MYO9A: variants seen among roughly 807,000 people sequenced by gnomAD.
MYO9A encodes unconventional myosin-IXa.
A neutral mutation model predicts 293.3 loss-of-function variants in MYO9A; 103 were observed. That is an observed-to-expected ratio of 0.35 (90% CI 0.30 to 0.41). The LOEUF is 0.41. MYO9A is among the 10% of genes least tolerant of loss of function. The probability of loss-of-function intolerance (pLI) is 1.00; values close to 1 mark genes in which losing one functional copy is unlikely to be tolerated. For synonymous variants in MYO9A, 1,001 were observed against 1,035.7 expected (o/e 0.97, Z 0.64); for missense variants, 2,685 against 3,033.0 (o/e 0.89, Z 2.69).
Position 71,899,749 on chromosome 15 carries a change from T to C in MYO9A, c.3408A>G (p.Gln1136=), listed in dbSNP as rs752179468. The change falls in exon 24 of 42, where the codon CAA becomes CAG. Residue 1136 remains glutamine, a synonymous_variant. Transcript: ENST00000356056. ...AAAGGATAATTTTTTTCCTTTGTTC[T>C]TGGTACCTTTTACTTTCCCTGTAGG... ...WKAYRESKRY[Q]EQRKKIILLQ... The C allele has an allele frequency of 1.2e-6, 2 of 1,614,198 alleles. No individual in the cohort carries two copies. Among genetic ancestry groups the C allele is most frequent in the South Asian group, 2.2e-5 (2 of 91,084 alleles).
At chr15:72,061,012 C>T (rs1403817663) in intron 1 of MYO9A, among the ~76,000 whole-genome samples, 1 of 152,174 alleles carries the variant, frequency 6.6e-6, no homozygotes, top group Admixed American at 6.5e-5. Context: ...AAGCACCAAG[C>T]ACAGTCCTGA....
intron 1 of MYO9A, among the ~76,000 whole-genome samples, chr15:72,054,362 C>A (rs1010458378): frequency 6.6e-6 from 1 of 152,076 alleles, no homozygotes; most frequent in Non-Finnish European, 1.5e-5. Flanking sequence ...AGATGTTGAT[C>A]GAATCTGCTA....
rs1416769413 is a variant in MYO9A at position 71,827,411 on chromosome 15, C to T, written c.7184-368G>A. Among the ~76,000 whole-genome samples the T allele has an allele frequency of 3.9e-5, 6 of 152,102 alleles. No individual in the cohort carries two copies. The East Asian group carries it at 1.2e-3, about 29-fold the overall frequency. Reference sequence around the variant, plus strand: ...CCCACCTCACAGTGGGGGCACAATGCCTGCCACCCTCAGAAAATGGGTTAT... The same window carrying T: ...CCCACCTCACAGTGGGGGCACAATGTCTGCCACCCTCAGAAAATGGGTTAT... On this transcript the variant is annotated intron_variant, in intron 41 of 41. Transcript: ENST00000356056.
intron 11 of MYO9A, among the ~76,000 whole-genome samples, chr15:71,990,552 G>A (rs1454701276): frequency 8.6e-5 from 13 of 151,942 alleles, no homozygotes; most frequent in African/African-American, 1.2e-4. Context: ...TCAGGAGATC[G>A]AGACCATCCT....
At chr15:71,912,674 TTC>T (rs2057894915) in intron 19 of MYO9A, among the ~76,000 whole-genome samples, 1 of 152,232 alleles carries the variant, frequency 6.6e-6, no homozygotes, top group Non-Finnish European at 1.5e-5. Flanking sequence ...TGTTTAAAAT[TTC>T]TGATATTATA....
chr15:71,882,309 A>G (rs2056897726), intron 28 of MYO9A, among the ~76,000 whole-genome samples: 1 of 151,978 alleles, frequency 6.6e-6, no homozygotes, highest in Non-Finnish European at 1.5e-5. Flanking sequence ...GTAGCTAAAA[A>G]CTCTCAGGCA....
At chr15:71,845,496 T>C (rs1488651130) in intron 39 of MYO9A, among the ~76,000 whole-genome samples, 1 of 152,192 alleles carries the variant, frequency 6.6e-6, no homozygotes, top group Non-Finnish European at 1.5e-5. Flanking sequence ...TTTCACAGGG[T>C]CTACAATGTC....
At chr15:72,026,728 G>C (rs1030875676) in intron 4 of MYO9A, among the ~76,000 whole-genome samples, 1 of 152,094 alleles carries the variant, frequency 6.6e-6, no homozygotes, top group Non-Finnish European at 1.5e-5. Context: ...GAAAGAAGCA[G>C]AGAGAATCAA....
intron 26 of MYO9A, chr15:71,893,440 G>A: frequency 3.7e-6 from 2 of 535,946 alleles, no homozygotes; most frequent in Non-Finnish European, 6.5e-6. Flanking sequence ...GCCATAGTAA[G>A]TCAACAAAGT....
intron 18 of MYO9A, among the ~76,000 whole-genome samples, chr15:71,924,583 G>A (rs1393309578): frequency 6.6e-6 from 1 of 151,826 alleles, no homozygotes; most frequent in Non-Finnish European, 1.5e-5. Context: ...CTTGTTTTGT[G>A]GCCCAACACA....
intron 28 of MYO9A, among the ~76,000 whole-genome samples, chr15:71,881,960 T>C (rs960673464): frequency 1.3e-5 from 2 of 152,232 alleles, no homozygotes; most frequent in Non-Finnish European, 2.9e-5. Context: ...TAACTTGTTA[T>C]TGGTTTTATT....
intron 39 of MYO9A, among the ~76,000 whole-genome samples, chr15:71,836,294 G>T (rs189616018): frequency 6.6e-6 from 1 of 151,846 alleles, no homozygotes; most frequent in Non-Finnish European, 1.5e-5. Context: ...ATACATGTTA[G>T]AGTCACAACA....
intron 2 of MYO9A, among the ~76,000 whole-genome samples, chr15:72,043,623 A>T (rs1268314295): frequency 1.3e-5 from 2 of 152,214 alleles, no homozygotes; most frequent in African/African-American, 4.8e-5. Flanking sequence ...TTTATATAAA[A>T]TGGTAGAAAA....
intron 1 of MYO9A, among the ~76,000 whole-genome samples, chr15:72,116,512 A>G (rs186427360): frequency 1.3e-5 from 2 of 152,278 alleles, no homozygotes; most frequent in African/African-American, 2.4e-5. Flanking sequence ...TGCTTCTTGG[A>G]GAAGCAAGAC....
chr15:72,091,932 G>T (rs1284426645), intron 1 of MYO9A, among the ~76,000 whole-genome samples: 1 of 152,090 alleles, frequency 6.6e-6, no homozygotes, highest in African/African-American at 2.4e-5. Context: ...TAGCCACGAT[G>T]ATCTCGATCT....
At chr15:71,948,807 A>G (rs2058981922) in intron 15 of MYO9A, among the ~76,000 whole-genome samples, 2 of 152,318 alleles carry the variant, frequency 1.3e-5, no homozygotes, top group East Asian at 1.9e-4. Flanking sequence ...CTTTTGCTAC[A>G]TGATAACAGG....
chr15:71,941,474 C>T (rs889370289), intron 15 of MYO9A, among the ~76,000 whole-genome samples: 2 of 152,124 alleles, frequency 1.3e-5, no homozygotes, highest in African/African-American at 4.8e-5. Context: ...CATCAGATCC[C>T]AAGATTGCCC....
chr15:71,987,882 T>G (rs1040854366), intron 11 of MYO9A, among the ~76,000 whole-genome samples: 1 of 152,178 alleles, frequency 6.6e-6, no homozygotes, highest in African/African-American at 2.4e-5. Flanking sequence ...AAGATTCTGA[T>G]CCATAATTGC....
chr15:71,956,322 A>ATATAT (rs1441439642), intron 14 of MYO9A, among the ~76,000 whole-genome samples: 2 of 15,866 alleles, frequency 1.3e-4, no homozygotes, highest in East Asian at 8.2e-4. Context: ...AAAAAAAAAA[A>ATATAT]AAAAAAAAAT....
Sources: gnomAD v4.1 joint callset for allele counts (sites outside exome capture counted in the v4.1 genomes callset) on GRCh38, gnomAD v4.1.1 for gene constraint, MANE v1.5 for transcripts, NCBI Gene and HGNC (gene_info 2026-07-23, HGNC 2026-07-21) for gene names.